Variants in DST observed in about 807,000 individuals in gnomAD.
The protein encoded by DST is bullous pemphigoid antigen.
In DST, 253 loss-of-function variants were observed where a neutral mutation model predicts 875.2. The ratio of observed to expected loss-of-function variants is 0.29; its 90% CI spans 0.26 to 0.32. DST has a LOEUF of 0.32. Among genes scored for constraint, DST ranks in the 10% least tolerant of loss-of-function variants. The probability of loss-of-function intolerance (pLI) is 1.00; values close to 1 mark genes in which losing one functional copy is unlikely to be tolerated. For missense variants in DST, 8,287 were observed against 9,111.6 expected, an observed-to-expected ratio of 0.91 and a Z score of 3.68; for synonymous variants, 3,124 against 3,197.1, an observed-to-expected ratio of 0.98 and a Z score of 0.77.
In DST at chr6:56,641,830, T is replaced by TA. The variant is rs1196707454; in HGVS notation, c.2027+116dup. The TA allele has an allele frequency of 1.2e-5, 10 of 842,070 alleles. No individual in the cohort carries two copies. The East Asian group carries it at 2.8e-4, about 23-fold the overall frequency. The allele number at this position is 842,070 out of a possible 1,614,324, so 52.2% of individuals were successfully genotyped here. On this transcript the variant is annotated intron_variant, in intron 17 of 103. Transcript: ENST00000680361. ...TAAAAATGTGACACACATTTTCAAC[T>TA]AAAAAACAGCAAAGAAATATATTTC...
chr6:56,498,538 A>T (rs1393540973), intron 80 of DST, among the ~76,000 whole-genome samples: 1 of 152,148 alleles, frequency 6.6e-6, no homozygotes, highest in East Asian at 1.9e-4. Context: ...GCAATTGATG[A>T]CACTAAATAT....
In DST at chr6:56,658,732, C is replaced by A. The variant is rs1280091626; in HGVS notation, c.1215-7488G>T. ...ATTCATTCACTCAATATTTAATATGCATTTACCATGTTCCAGGAAGTAAGG... is the reference window on the plus strand; with the variant it reads ...ATTCATTCACTCAATATTTAATATGAATTTACCATGTTCCAGGAAGTAAGG... On this transcript the variant is annotated intron_variant, in intron 10 of 103. Coordinates refer to ENST00000680361, the MANE Select transcript of DST (RefSeq NM_001374736.1). 4.6e-5 allele frequency among the ~76,000 whole-genome samples: 7 copies of A among 152,170 alleles called. No homozygotes were observed. In the South Asian group the frequency reaches 1.0e-3, roughly 23 times the overall value.
chr6:56,888,940 C>T (rs1428275249), intron 3 of DST, among the ~76,000 whole-genome samples: 1 of 152,148 alleles, frequency 6.6e-6, no homozygotes, highest in Non-Finnish European at 1.5e-5. Flanking sequence ...GACTTCATTT[C>T]CTGCTATTTT....
intron 36 of DST, chr6:56,616,177 A>C (rs750144801): frequency 1.2e-6 from 2 of 1,614,158 alleles, no homozygotes; most frequent in Non-Finnish European, 1.7e-6. Context: ...AAGAATCAGC[A>C]AGTTCTGTAA....
chr6:56,618,700 G>A lies in DST; in HGVS notation c.4930-4216C>T. On this transcript the variant is annotated intron_variant, in intron 36 of 103. Transcript: ENST00000680361. ...AGTTTTCTTGTTGAAGAGACACAAA[G>A]TCAAGCCTAATGCCTGAAATATCAT... 1.2e-6 allele frequency: 2 copies of A among 1,613,870 alleles called. No homozygotes were observed. Among genetic ancestry groups the A allele is most frequent in the African/African-American group, 1.3e-5 (1 of 74,968 alleles).
intron 61 of DST, among the ~76,000 whole-genome samples, chr6:56,545,479 A>G (rs2097207172): frequency 6.6e-6 from 1 of 151,722 alleles, no homozygotes; most frequent in Non-Finnish European, 1.5e-5. Flanking sequence ...ACTAAAGCAG[A>G]TGATTTCAGA....
At chr6:56,635,073 T>C in intron 24 of DST, 120 bp from the exon 25 acceptor site, 3 of 763,460 alleles carry the variant, frequency 3.9e-6, no homozygotes, top group South Asian at 1.7e-5. Flanking sequence ...TAGTCTAAAT[T>C]TTCAATCTTT....
intron 71 of DST, among the ~76,000 whole-genome samples, chr6:56,516,201 G>A (rs1305870615): frequency 2.0e-5 from 3 of 151,612 alleles, no homozygotes; most frequent in Non-Finnish European, 4.4e-5. Flanking sequence ...AAGAGAAGGA[G>A]AAAGAGAAAG....
chr6:56,636,330 ATATATG>A lies in DST; in HGVS notation c.3060+221_3060+226del, dbSNP rs541028907. 1.3e-3 allele frequency among the ~76,000 whole-genome samples: 194 copies of A among 151,122 alleles called. 2 individuals carry two copies. In the South Asian group the frequency reaches 0.018, roughly 14 times the overall value. ...TATAACAGTGTGTGTATATATGTGT[ATATATG>A]TATATGTATGTGTATATATATGTGT... On this transcript the variant is annotated intron_variant, in intron 23 of 103. Coordinates refer to ENST00000680361, the MANE Select transcript of DST (RefSeq NM_001374736.1).
chr6:56,525,665 T>C (rs1358458311), intron 69 of DST, among the ~76,000 whole-genome samples: 1 of 152,206 alleles, frequency 6.6e-6, no homozygotes, highest in African/African-American at 2.4e-5. Flanking sequence ...TTGTAGTAAC[T>C]GTGATGACTT....
At chr6:56,642,266 C>A in intron 16 of DST, 144 bp downstream of exon 16, 1 of 865,998 alleles carries the variant, frequency 1.2e-6, no homozygotes, top group South Asian at 1.4e-5. Context: ...AGAGAGCAAA[C>A]ACCAATCATA....
chr6:56,459,033 C>T lies in DST; in HGVS notation c.23429G>A (p.Ser7810Asn), dbSNP rs372672868. ...TCTCTTTGAGGACTTGTCCAATTTG[C>T]TGGCAGGTGATTTCCTCTGGGGCGT... ...IPTPQRKSPA[S>N]KLDKSSKR The change falls in exon 104 of 104, where the codon AGC becomes AAC. Residue 7810 changes from serine to asparagine, a missense_variant. Ser to Asn is a conservative substitution (Grantham distance 46). This residue lies in a region of DST where 240 missense variants were observed against 237.3 expected (regional missense o/e 1.01). Transcript: ENST00000680361. 3 of 1,611,920 alleles carry T rather than the reference C, an allele frequency of 1.9e-6. No individual in the cohort carries two copies. The highest frequency in any genetic ancestry group is 1.3e-5 in the African/African-American group (1 of 74,874).
chr6:56,466,068 A>G lies in DST; in HGVS notation c.22687+10T>C, dbSNP rs2094565909. ...CTTTCATGATGTTATCATGATAAGC[A>G]TCTCCTTACCCCTGCAAGGATCATT... On this transcript the variant is annotated intron_variant, in intron 99 of 103. Coordinates refer to ENST00000680361, the MANE Select transcript of DST (RefSeq NM_001374736.1). 1.3e-6 allele frequency: 2 copies of G among 1,579,814 alleles called. No individual in the cohort carries two copies. The highest frequency in any genetic ancestry group is 4.5e-5 in the East Asian group (2 of 44,632).
intron 4 of DST, among the ~76,000 whole-genome samples, chr6:56,760,692 T>G (rs1264357937): frequency 1.3e-5 from 2 of 152,242 alleles, no homozygotes; most frequent in African/African-American, 4.8e-5. Context: ...CTACCTTGAA[T>G]ACTACTAAAC....
At chr6:56,887,682 G>GA (rs1195141021) in intron 3 of DST, among the ~76,000 whole-genome samples, 1 of 152,048 alleles carries the variant, frequency 6.6e-6, no homozygotes, top group Non-Finnish European at 1.5e-5. Flanking sequence ...TCACATACAA[G>GA]AAAGACATAG....
intron 89 of DST, 24 bp downstream of exon 89, chr6:56,482,659 A>G: frequency 1.2e-6 from 2 of 1,600,274 alleles, no homozygotes; most frequent in Non-Finnish European, 1.7e-6. Flanking sequence ...CATTACACCC[A>G]GCTCTCATTT....
Position 56,609,180 on chromosome 6 carries a change from A to C in DST, c.5448T>G (p.Phe1816Leu). 1 of 1,613,836 alleles carries C rather than the reference A, an allele frequency of 6.2e-7. No individual in the cohort carries two copies. Among genetic ancestry groups the C allele is most frequent in the Non-Finnish European group, 8.5e-7 (1 of 1,179,784 alleles). Residue 1816 changes from phenylalanine to leucine, a missense_variant, in exon 40 of 104, where the codon TTT becomes TTG. Around this residue, in one of 10 missense-constraint regions of DST, gnomAD observed 3,138 missense variants for 3,116.6 expected, o/e 1.01. Transcript: ENST00000680361. The part of the protein sequence containing the change: ...GLISPELRKC[F>L]DLKDAKSHGL... Reference sequence around the variant, plus strand: ...CATGACTTTTGGCATCTTTAAGGTCAAAGCACTTTCTTAATTCTGGTGAAA... The same window carrying C: ...CATGACTTTTGGCATCTTTAAGGTCCAAGCACTTTCTTAATTCTGGTGAAA...
At chr6:56,730,032 T>A (rs868232599) in intron 5 of DST, among the ~76,000 whole-genome samples, 1 of 152,136 alleles carries the variant, frequency 6.6e-6, no homozygotes, top group South Asian at 2.1e-4. Context: ...TGTCAATAAA[T>A]TAAAGTTTAC....
Position 56,699,764 on chromosome 6 carries a change from A to G in DST, c.955-19T>C. On this transcript the variant is annotated intron_variant, in intron 8 of 103. Coordinates refer to ENST00000680361, the MANE Select transcript of DST (RefSeq NM_001374736.1). ...ATTTCACCTGTTTTGAATGTGAAGA[A>G]GAGATAAAACCAACTGTTTATCAAA... 7.9e-7 allele frequency: 1 copy of G among 1,265,368 alleles called. No homozygotes were observed. Among genetic ancestry groups the G allele is most frequent in the Non-Finnish European group, 1.1e-6 (1 of 925,754 alleles). The allele number at this position is 1,265,368 out of a possible 1,614,324, so 78.4% of individuals were successfully genotyped here.
Sources: gnomAD v4.1 joint callset for allele counts (sites outside exome capture counted in the v4.1 genomes callset) on GRCh38, gnomAD v4.1.1 for gene constraint, gnomAD v4.1.1 regional missense constraint, MANE v1.5 for transcripts, NCBI Gene and HGNC (gene_info 2026-07-23, HGNC 2026-07-21) for gene names.